The following ANK2 variants were observed in gnomAD, a reference collection of about 807,000 sequenced individuals.
ANK2 encodes ankyrin 2.
Under a neutral mutation model 360.5 loss-of-function variants are expected in ANK2, and 83 were observed. That is an observed-to-expected ratio of 0.23 (90% CI 0.19 to 0.28). The LOEUF (loss-of-function observed/expected upper bound fraction) is 0.28. Ranked by LOEUF, ANK2 falls within the 10% of genes least tolerant of loss-of-function variation. The probability of loss-of-function intolerance (pLI) is 1.00; values close to 1 mark genes in which losing one functional copy is unlikely to be tolerated. For missense variants in ANK2, 4,201 were observed against 4,795.7 expected, an observed-to-expected ratio of 0.88 and a Z score of 3.66; for synonymous variants, 1,740 against 1,759.5, an observed-to-expected ratio of 0.99 and a Z score of 0.28.
chr4:113,257,337 ACTT>A lies in ANK2; in HGVS notation c.1189-707_1189-705del, dbSNP rs1340816128. Among the ~76,000 whole-genome samples, 3 of 152,190 alleles carry A rather than the reference ACTT, an allele frequency of 2.0e-5. No individual in the cohort carries two copies. The East Asian group carries it at 5.8e-4, about 29-fold the overall frequency. On this transcript the variant is annotated intron_variant, in intron 11 of 45. Transcript: ENST00000357077. The stretch of plus-strand genomic sequence containing the variant: ...CGCCAAGTTAGAAAGTACCTGACAG[ACTT>A]CTTCTCCACATTTCTTTACCCCAGA...
intron 10 of ANK2, among the ~76,000 whole-genome samples, chr4:113,252,652 C>T (rs180975057): frequency 1.8e-4 from 27 of 152,228 alleles, no homozygotes; most frequent in African/African-American, 4.1e-4. Context: ...ACCCCAATTC[C>T]GAAATTCTTT....
chr4:112,782,273 A>G, the ANK2 span, among the ~76,000 whole-genome samples: 2 of 152,144 alleles, frequency 1.3e-5, no homozygotes, highest in African/African-American at 4.8e-5. Flanking sequence ...ATGATTTGCT[A>G]ATTGTGAAGG....
intron 25 of ANK2, 76 bp from the exon 26 acceptor site, chr4:113,318,441 A>C (rs1215196778): frequency 8.4e-7 from 1 of 1,196,848 alleles, no homozygotes; most frequent in Non-Finnish European, 1.2e-6. Context: ...CAGTGATGAC[A>C]CTTTTTATAT....
intron 1 of ANK2, among the ~76,000 whole-genome samples, chr4:112,864,640 C>A (rs531771049): frequency 9.9e-5 from 15 of 151,304 alleles, no homozygotes; most frequent in African/African-American, 3.6e-4. Flanking sequence ...TTTAAAAAAA[C>A]GTTTACTTGG....
intron 15 of ANK2, 122 bp from the exon 16 acceptor site, chr4:113,277,715 C>G: frequency 4.1e-6 from 3 of 734,878 alleles, no homozygotes; most frequent in Non-Finnish European, 7.2e-6. Context: ...AGATTTAATG[C>G]TACCAGTATT....
At chr4:112,720,491 C>G in the ANK2 span, among the ~76,000 whole-genome samples, 1 of 152,164 alleles carries the variant, frequency 6.6e-6, no homozygotes, top group African/African-American at 2.4e-5. Flanking sequence ...CCTAATTGGT[C>G]TCACTCTCTG....
At chr4:112,868,194 T>A (rs1037506907) in intron 1 of ANK2, among the ~76,000 whole-genome samples, 3 of 152,220 alleles carry the variant, frequency 2.0e-5, no homozygotes, top group African/African-American at 7.2e-5. Flanking sequence ...AGGTCATTTT[T>A]ATGTATTATT....
Position 113,357,173 on chromosome 4 carries a change from A to T in ANK2, c.8555A>T (p.His2852Leu), listed in dbSNP as rs745536749. The change falls in exon 38 of 46, where the codon CAT (histidine) becomes CTT (leucine). Residue 2852 changes from histidine (H) to leucine (L), a missense_variant. By Grantham distance (99) the His-to-Leu change is moderately conservative. Coordinates refer to ENST00000357077, the MANE Select transcript of ANK2 (RefSeq NM_001148.6). ...TTTTCATCTTCATCCTCTTTGCCTC[A>T]TTGTTTGGTATCTGAAGGAAAAGAA... ...ESFSSSSSLP[H>L]CLVSEGKELD... is the part of the protein sequence containing the mutation. 4 of 1,614,010 alleles carry T rather than the reference A, an allele frequency of 2.5e-6. No individual in the cohort carries two copies. The highest frequency in any genetic ancestry group is 3.4e-6 in the Non-Finnish European group (4 of 1,179,992).
chr4:113,166,684 A>C (rs112338326), intron 1 of ANK2, among the ~76,000 whole-genome samples: 8 of 152,132 alleles, frequency 5.3e-5, no homozygotes, highest in Non-Finnish European at 7.4e-5. Context: ...CAATTTTCAG[A>C]AAAGTAAATG....
chr4:113,069,443 G>A (rs2076774001), intron 1 of ANK2, among the ~76,000 whole-genome samples: 1 of 152,210 alleles, frequency 6.6e-6, no homozygotes, highest in Non-Finnish European at 1.5e-5. Context: ...AGAAGAGGAA[G>A]TGTACTTCAG....
In ANK2 at chr4:113,055,277, A is replaced by G. The variant is rs1208836468; in HGVS notation, c.84+5465A>G. The stretch of plus-strand genomic sequence containing the variant: ...TTAGCCAGGCATGGTTGTACATGCC[A>G]GTAGTCCCAGCTACTGGGGACTGCT... On this transcript the variant is annotated intron_variant, in intron 1 of 45. Transcript: ENST00000357077. Among the ~76,000 whole-genome samples, 3 of 152,168 alleles carry G rather than the reference A, an allele frequency of 2.0e-5. No individual in the cohort carries two copies. The East Asian group carries it at 5.8e-4, about 29-fold the overall frequency.
chr4:113,354,287 A>C lies in ANK2; in HGVS notation c.5669A>C (p.His1890Pro). The C allele has an allele frequency of 6.2e-7, 1 of 1,613,706 alleles. No individual in the cohort carries two copies. The change falls in exon 38 of 46, where the codon CAC (histidine) becomes CCC (proline). Residue 1890 changes from histidine to proline, a missense_variant. By Grantham distance (77) the His-to-Pro change is moderately conservative. Coordinates refer to ENST00000357077, the MANE Select transcript of ANK2 (RefSeq NM_001148.6). ...TCACCCTCGACAAAAACTGAAAGGCACTCTCCTGTGTCATCTACAAAAACA... is the reference window on the plus strand; with the variant it reads ...TCACCCTCGACAAAAACTGAAAGGCCCTCTCCTGTGTCATCTACAAAAACA... ...PVSPSTKTER[H>P]SPVSSTKTER...
chr4:112,817,638 T>C (rs1038377557), upstream of ANK2, among the ~76,000 whole-genome samples: 8 of 150,686 alleles, frequency 5.3e-5, no homozygotes, highest in African/African-American at 1.9e-4. Context: ...CTTAAACATA[T>C]ATATATGTAT....
chr4:113,215,372 T>A (rs1013308270), intron 4 of ANK2, among the ~76,000 whole-genome samples: 6 of 152,218 alleles, frequency 3.9e-5, no homozygotes, highest in African/African-American at 1.2e-4. Flanking sequence ...TTATAATGCA[T>A]GTAATAAGTG....
chr4:112,935,705 G>A (rs1362799182), intron 2 of ANK2, among the ~76,000 whole-genome samples: 1 of 152,034 alleles, frequency 6.6e-6, no homozygotes, highest in African/African-American at 2.4e-5. Flanking sequence ...AGTTGGGTGT[G>A]GTGGCGCACA....
chr4:112,901,717 C>T (rs1318261807), intron 1 of ANK2, among the ~76,000 whole-genome samples: 3 of 151,734 alleles, frequency 2.0e-5, no homozygotes, highest in Admixed American at 1.3e-4. Flanking sequence ...AAAAATTAGC[C>T]GGGCACGGTG....
At position 113,354,049 on chromosome 4, in the gene ANK2, C is replaced by G. The variant is rs200645469; in HGVS notation, c.5431C>G (p.Pro1811Ala). 3.7e-6 allele frequency: 6 copies of G among 1,614,080 alleles called. No homozygotes were observed. The East Asian group carries it at 1.3e-4, about 36-fold the overall frequency. Reference sequence around the variant, plus strand: ...CCACAGGCCACATCCAGCTGCGTCACCCTCTCTGAAGTCAGAGAGACATGC... The same window carrying G: ...CCACAGGCCACATCCAGCTGCGTCAGCCTCTCTGAAGTCAGAGAGACATGC... ...TTHRPHPAAS[P>A]SLKSERHAPG... The change falls in exon 38 of 46, where the codon CCC becomes GCC. Residue 1811 changes from proline (P) to alanine (A), a missense_variant. By Grantham distance (27) the Pro-to-Ala change is conservative. Transcript: ENST00000357077.
At chr4:113,172,547 A>G (rs1377728630) in intron 1 of ANK2, among the ~76,000 whole-genome samples, 2 of 152,180 alleles carry the variant, frequency 1.3e-5, no homozygotes, top group African/African-American at 2.4e-5. Context: ...TATTTGTGAT[A>G]TAATACATGT....
the ANK2 span, among the ~76,000 whole-genome samples, chr4:112,705,666 C>T: frequency 6.6e-6 from 1 of 152,248 alleles, no homozygotes; most frequent in Non-Finnish European, 1.5e-5. Context: ...CTTCTCCCCA[C>T]CCACCTCCCG....
Sources: gnomAD v4.1 joint callset for allele counts (sites outside exome capture counted in the v4.1 genomes callset) on GRCh38, gnomAD v4.1.1 for gene constraint, MANE v1.5 for transcripts, NCBI Gene and HGNC (gene_info 2026-07-23, HGNC 2026-07-21) for gene names.